The following CA8 variants were observed in gnomAD, a reference collection of about 807,000 sequenced individuals.
CA8 encodes the protein carbonic anhydrase 8 (inactive).
A neutral mutation model predicts 41.4 loss-of-function variants in CA8; 22 were observed. That is an observed-to-expected ratio of 0.53 (90% CI 0.38 to 0.76). The LOEUF is 0.76. Ranked by LOEUF, CA8 falls within the 30% of genes least tolerant of loss-of-function variation. CA8 has a pLI of 0.00. For synonymous variants in CA8, 121 were observed against 130.6 expected, an observed-to-expected ratio of 0.93 and a Z score of 0.50; for missense variants, 270 against 352.8, an observed-to-expected ratio of 0.77 and a Z score of 1.88.
intron 1 of CA8, 132 bp from the exon 2 acceptor site, chr8:60,280,012 A>G (rs1359147011): frequency 3.1e-6 from 2 of 655,612 alleles, no homozygotes; most frequent in African/African-American, 3.6e-5. Context: ...ATACAGATGA[A>G]ATATGGTAAT....
chr8:60,221,595 TATA>T (rs1221898865), intron 7 of CA8, among the ~76,000 whole-genome samples: 6 of 152,170 alleles, frequency 3.9e-5, no homozygotes, highest in African/African-American at 9.7e-5. Context: ...AACAGTCTCT[TATA>T]AGAACAAATA....
intron 3 of CA8, among the ~76,000 whole-genome samples, chr8:60,263,527 AAAAAAAC>A (rs1803805199): frequency 6.6e-6 from 1 of 152,090 alleles, no homozygotes; most frequent in Non-Finnish European, 1.5e-5. Context: ...CATGACCTCA[AAAAAAAC>A]AAAAAACAAA....
chr8:60,197,729 A>C (rs1806321112), intron 8 of CA8, among the ~76,000 whole-genome samples: 1 of 144,190 alleles, frequency 6.9e-6, no homozygotes, highest in Admixed American at 6.9e-5. Flanking sequence ...TACTGTTTGA[A>C]TATTCTACCA....
chr8:60,259,403 T>C (rs922692168), intron 3 of CA8, among the ~76,000 whole-genome samples: 5 of 152,212 alleles, frequency 3.3e-5, no homozygotes, highest in Non-Finnish European at 7.3e-5. Flanking sequence ...ATATAAATGC[T>C]TTTTTGCAAA....
intron 7 of CA8, among the ~76,000 whole-genome samples, chr8:60,221,513 T>C (rs575726385): frequency 2.0e-5 from 3 of 152,200 alleles, no homozygotes; most frequent in African/African-American, 7.2e-5. Context: ...CCCTGTTCAG[T>C]GTGATGACAA....
At chr8:60,275,196 A>T (rs568223229) in intron 2 of CA8, among the ~76,000 whole-genome samples, 2 of 152,328 alleles carry the variant, frequency 1.3e-5, no homozygotes, top group Non-Finnish European at 2.9e-5. Flanking sequence ...TTTCTTGATC[A>T]TGGTACTGTG....
intron 8 of CA8, among the ~76,000 whole-genome samples, chr8:60,197,254 TA>T (rs1168751245): frequency 6.6e-6 from 1 of 152,130 alleles, no homozygotes; most frequent in African/African-American, 2.4e-5. Flanking sequence ...ATTTTAAAAA[TA>T]ACTATGCAAT....
At chr8:60,230,707 G>A (rs1047782005) in intron 4 of CA8, among the ~76,000 whole-genome samples, 2 of 152,006 alleles carry the variant, frequency 1.3e-5, no homozygotes, top group Non-Finnish European at 2.9e-5. Context: ...AGAAACTTAT[G>A]AAAAGTTAGA....
intron 3 of CA8, among the ~76,000 whole-genome samples, chr8:60,255,057 C>G (rs542562285): frequency 1.3e-5 from 2 of 152,122 alleles, no homozygotes; most frequent in Non-Finnish European, 2.9e-5. Flanking sequence ...AGAGAGTCAT[C>G]AATCTTACTA....
At chr8:60,240,261 G>C (rs753027642) in intron 3 of CA8, among the ~76,000 whole-genome samples, 1 of 152,176 alleles carries the variant, frequency 6.6e-6, no homozygotes, top group Non-Finnish European at 1.5e-5. Context: ...AGAGACTTTG[G>C]ACCTATTGTT....
chr8:60,197,244 A>G (rs1806305977), intron 8 of CA8, among the ~76,000 whole-genome samples: 1 of 152,190 alleles, frequency 6.6e-6, no homozygotes. Context: ...ATGTAAAACC[A>G]TTTTAAAAAT....
At chr8:60,191,942 G>T (rs1806142856) in intron 8 of CA8, among the ~76,000 whole-genome samples, 1 of 152,074 alleles carries the variant, frequency 6.6e-6, no homozygotes, top group Admixed American at 6.6e-5. Context: ...GCATGATTCA[G>T]GGGGTTCTTG....
intron 8 of CA8, among the ~76,000 whole-genome samples, chr8:60,202,079 T>C (rs951582658): frequency 1.3e-5 from 2 of 151,736 alleles, no homozygotes; most frequent in African/African-American, 4.8e-5. Flanking sequence ...AGTCTCGCTC[T>C]GTCGCCCAGG....
intron 8 of CA8, 70 bp downstream of exon 8, chr8:60,208,680 T>C (rs1482712694): frequency 7.8e-7 from 1 of 1,280,998 alleles, no homozygotes; most frequent in East Asian, 2.3e-5. Flanking sequence ...AGGATCACAA[T>C]AAGTGTACCT....
intron 3 of CA8, among the ~76,000 whole-genome samples, chr8:60,251,986 A>T (rs1160354294): frequency 2.0e-5 from 3 of 152,228 alleles, no homozygotes; most frequent in Non-Finnish European, 4.4e-5. Flanking sequence ...TTTCACATCA[A>T]TAAGTTAAGT....
rs1465178820 is a variant in CA8 at position 60,186,167 on chromosome 8, G to A, written c.*3854C>T. Reference sequence around the variant, plus strand: ...ATAATTTGTTCTCAAGTCTCTGCTTGCTTAATATACATACAATTACAGGAA... The same window carrying A: ...ATAATTTGTTCTCAAGTCTCTGCTTACTTAATATACATACAATTACAGGAA... On this transcript the variant is annotated 3_prime_UTR_variant, in exon 9 of 9. Coordinates refer to ENST00000317995, the MANE Select transcript of CA8 (RefSeq NM_004056.6). Among the ~76,000 whole-genome samples, 1 of 151,956 alleles carries A rather than the reference G, an allele frequency of 6.6e-6. No homozygotes were observed. Among genetic ancestry groups the A allele is most frequent in the Non-Finnish European group, 1.5e-5 (1 of 67,920 alleles).
chr8:60,246,387 G>A (rs1808237834), intron 3 of CA8, among the ~76,000 whole-genome samples: 1 of 152,126 alleles, frequency 6.6e-6, no homozygotes, highest in African/African-American at 2.4e-5. Context: ...CCACATCTCG[G>A]GTTCAAGCAA....
At chr8:60,201,317 T>C (rs1806421121) in intron 8 of CA8, among the ~76,000 whole-genome samples, 1 of 152,174 alleles carries the variant, frequency 6.6e-6, no homozygotes, top group Admixed American at 6.5e-5. Flanking sequence ...GTGTTGTTAG[T>C]GGTGACAGGC....
intron 8 of CA8, among the ~76,000 whole-genome samples, chr8:60,199,732 T>C (rs531369698): frequency 2.6e-5 from 4 of 152,234 alleles, no homozygotes; most frequent in South Asian, 4.2e-4. Context: ...TATCTAGTAC[T>C]GGGCATTATC....
Sources: allele counts gnomAD v4.1 joint callset (sites outside exome capture counted in the v4.1 genomes callset), GRCh38; gene constraint gnomAD v4.1.1; transcripts MANE v1.5; gene names NCBI Gene and HGNC (gene_info 2026-07-23, HGNC 2026-07-21).